The following ATXN7 variants were observed in gnomAD, a reference collection of about 807,000 sequenced individuals.
The protein encoded by ATXN7 is ataxin 7, also known as ataxin-7.
ATXN7 carries 12 observed loss-of-function variants against 70.5 expected under a neutral mutation model. The observed-to-expected ratio is 0.17, with a 90% CI of 0.11 to 0.28. The LOEUF (loss-of-function observed/expected upper bound fraction) is 0.28. Among genes scored for constraint, ATXN7 ranks in the 10% least tolerant of loss-of-function variants. The pLI, the probability that ATXN7 is intolerant of heterozygous loss-of-function variation, is 1.00. For missense variants in ATXN7, 1,256 were observed against 1,131.7 expected, an observed-to-expected ratio of 1.11 and a Z score of -1.58; for synonymous variants, 498 against 448.7, an observed-to-expected ratio of 1.11 and a Z score of -1.39.
rs767743994 is a variant in ATXN7, at chr3:63,982,373, G to C, written c.940G>C (p.Ala314Pro). Reference sequence around the variant, plus strand: ...GATTCTGAATGGCAAAGGGCTTCCTGCACCGCCCACTCTGGAAAAGAAACC... The same window carrying C: ...GATTCTGAATGGCAAAGGGCTTCCTCCACCGCCCACTCTGGAAAAGAAACC... ...GQILNGKGLP[A>P]PPTLEKKPED... The change falls in exon 7 of 13, where the codon GCA (alanine) becomes CCA (proline). Residue 314 changes from alanine (A) to proline (P), a missense_variant. By Grantham distance (27) the Ala-to-Pro change is conservative. Transcript: ENST00000674280. 1.2e-6 allele frequency: 2 copies of C among 1,613,820 alleles called. No individual in the cohort carries two copies. Among genetic ancestry groups the C allele is most frequent in the African/African-American group, 2.7e-5 (2 of 74,874 alleles).
chr3:63,912,686 CA>C lies in ATXN7; in HGVS notation c.89del (p.Gln30ArgfsTer60). 1 of 943,416 alleles carries C rather than the reference CA, an allele frequency of 1.1e-6. No individual in the cohort carries two copies. Among genetic ancestry groups the C allele is most frequent in the African/African-American group, 2.0e-5 (1 of 50,104 alleles). The allele number at this position is 943,416 out of a possible 1,614,324, so 58.4% of individuals were successfully genotyped here. A position where few individuals can be genotyped will look rare whatever the true frequency, so the allele number is the denominator to read the frequency against. On this transcript the variant is annotated frameshift_variant, in exon 3 of 13. Transcript: ENST00000674280. LOFTEE classifies it high-confidence loss of function. ...CGGAGCAGCGGCCGCGGCCGCCCGG[CA>C]GCAGCAGCAGCAGCAGCAGCAGCAG... ...AGGAAAAAAR[Q>X]QQQQQQQQQP... is the part of the protein sequence containing the mutation.
chr3:63,966,950 G>A (rs1168948832), intron 5 of ATXN7, among the ~76,000 whole-genome samples: 2 of 152,114 alleles, frequency 1.3e-5, no homozygotes, highest in Admixed American at 6.6e-5. Flanking sequence ...CACTTGTGGG[G>A]ATTTTTTGTT....
intron 5 of ATXN7, among the ~76,000 whole-genome samples, chr3:63,962,081 C>T (rs1359765348): frequency 6.6e-6 from 1 of 152,108 alleles, no homozygotes; most frequent in Non-Finnish European, 1.5e-5. Flanking sequence ...GATGTATGTA[C>T]TAGTCCAAGT....
chr3:63,981,971 T>C (rs972277401), intron 6 of ATXN7, among the ~76,000 whole-genome samples: 1 of 152,180 alleles, frequency 6.6e-6, no homozygotes, highest in Non-Finnish European at 1.5e-5. Flanking sequence ...CCAGGCAAAT[T>C]TGATGGTCCA....
intron 1 of ATXN7, among the ~76,000 whole-genome samples, chr3:63,874,123 A>G (rs530105722): frequency 3.3e-5 from 5 of 152,196 alleles, no homozygotes; most frequent in African/African-American, 4.8e-5. Context: ...TTACATGATA[A>G]TCTTTCCTAA....
At chr3:63,993,761 G>C (rs2075711048) in intron 11 of ATXN7, among the ~76,000 whole-genome samples, 3 of 152,102 alleles carry the variant, frequency 2.0e-5, no homozygotes. Context: ...TTGGTTCCAG[G>C]CAGCCTGGTC....
chr3:63,951,681 A>C (rs987075702), intron 4 of ATXN7, among the ~76,000 whole-genome samples: 1 of 152,198 alleles, frequency 6.6e-6, no homozygotes, highest in African/African-American at 2.4e-5. Context: ...TTCAGTTTTC[A>C]TGTATATGCA....
chr3:63,940,543 T>G (rs1372497118), intron 4 of ATXN7, among the ~76,000 whole-genome samples: 1 of 152,172 alleles, frequency 6.6e-6, no homozygotes, highest in Non-Finnish European at 1.5e-5. Context: ...GAGATTATAA[T>G]CATAACCACA....
chr3:63,935,408 G>C (rs759253144), intron 4 of ATXN7, among the ~76,000 whole-genome samples: 1 of 152,048 alleles, frequency 6.6e-6, no homozygotes, highest in Non-Finnish European at 1.5e-5. Context: ...TCTGAAATCA[G>C]AATGGATTAT....
intron 2 of ATXN7, among the ~76,000 whole-genome samples, chr3:63,900,327 G>A (rs1703589396): frequency 6.6e-6 from 1 of 152,138 alleles, no homozygotes; most frequent in Non-Finnish European, 1.5e-5. Context: ...CAGACAACAC[G>A]TAAAAGATAA....
intron 1 of ATXN7, among the ~76,000 whole-genome samples, chr3:63,888,016 TTC>T (rs1277065389): frequency 1.3e-5 from 2 of 152,292 alleles, no homozygotes; most frequent in African/African-American, 4.8e-5. Context: ...TGCCAGAATA[TTC>T]TGTTACTGAC....
At chr3:63,956,966 T>C (rs2075049839) in intron 5 of ATXN7, among the ~76,000 whole-genome samples, 2 of 152,204 alleles carry the variant, frequency 1.3e-5, no homozygotes, top group Non-Finnish European at 2.9e-5. Context: ...AGTTTAGTGA[T>C]AAGTGTGTTG....
chr3:63,898,946 C>T (rs1260519749), intron 2 of ATXN7, among the ~76,000 whole-genome samples: 1 of 152,202 alleles, frequency 6.6e-6, no homozygotes, highest in East Asian at 1.9e-4. Context: ...AACAGGCAAG[C>T]GTTCTTCAGG....
At chr3:63,990,081 T>C in intron 9 of ATXN7, 95 bp from the exon 10 acceptor site, 1 of 1,233,712 alleles carries the variant, frequency 8.1e-7, no homozygotes, top group Non-Finnish European at 1.2e-6. Flanking sequence ...CCCAGGCCTC[T>C]GCTAGGTTGT....
intron 4 of ATXN7, among the ~76,000 whole-genome samples, chr3:63,919,609 AATT>A (rs1191869497): frequency 2.0e-5 from 3 of 151,466 alleles, no homozygotes; most frequent in African/African-American, 4.9e-5. Context: ...CTTTTTTTTT[AATT>A]ATTATACTTT....
rs188457857 is a variant in ATXN7 at position 63,955,181 on chromosome 3, G to A, written c.499+2698G>A. Among the ~76,000 whole-genome samples, 39 of 152,290 alleles carry A rather than the reference G, an allele frequency of 2.6e-4. 1 individual carries two copies. The Middle Eastern group carries it at 0.014, about 53-fold the overall frequency. ...ATTCATTTACTCCAAGGTCTCCTGT[G>A]GCTTGGCAGGAGATGTGACTGACAA... On this transcript the variant is annotated intron_variant, in intron 5 of 12. Transcript: ENST00000674280.
At chr3:63,956,082 A>G (rs917100259) in intron 5 of ATXN7, among the ~76,000 whole-genome samples, 2 of 152,200 alleles carry the variant, frequency 1.3e-5, no homozygotes, top group Non-Finnish European at 2.9e-5. Flanking sequence ...TTGTGCTGCC[A>G]TTTTGGCATT....
intron 1 of ATXN7, chr3:63,866,870 T>A (rs1702447344): frequency 6.6e-6 from 1 of 152,092 alleles, no homozygotes; most frequent in Non-Finnish European, 1.5e-5. Context: ...AACACAGAAA[T>A]GGAAGTAGCA....
intron 2 of ATXN7, among the ~76,000 whole-genome samples, chr3:63,907,269 C>T (rs552985777): frequency 3.9e-5 from 6 of 152,274 alleles, no homozygotes; most frequent in East Asian, 3.9e-4. Context: ...CTAGAACCCA[C>T]GCTCTTAATG....
Sources: allele counts gnomAD v4.1 joint callset (sites outside exome capture counted in the v4.1 genomes callset), GRCh38; gene constraint gnomAD v4.1.1; transcripts MANE v1.5; gene names NCBI Gene and HGNC (gene_info 2026-07-23, HGNC 2026-07-21).